The following GPC5 variants were observed in gnomAD, a reference collection of about 807,000 sequenced individuals.
The protein encoded by GPC5 is glypican 5, also known as glypican-5.
Under a neutral mutation model 53.9 loss-of-function variants are expected in GPC5, and 47 were observed. The ratio of observed to expected loss-of-function variants is 0.87; its 90% CI spans 0.69 to 1.11. GPC5 has a LOEUF of 1.11. Ranked by LOEUF, GPC5 falls within the 50% of genes most tolerant of loss-of-function variation. The pLI is 0.00. For synonymous variants in GPC5, 286 were observed against 263.3 expected, an observed-to-expected ratio of 1.09 and a Z score of -0.84; for missense variants, 748 against 713.1, an observed-to-expected ratio of 1.05 and a Z score of -0.56.
intron 4 of GPC5, among the ~76,000 whole-genome samples, chr13:91,731,965 G>A (rs184991589): frequency 1.3e-5 from 2 of 152,236 alleles, no homozygotes; most frequent in Non-Finnish European, 2.9e-5. Flanking sequence ...CCATGTATTT[G>A]CTATTGTAAA....
intron 5 of GPC5, among the ~76,000 whole-genome samples, chr13:91,839,179 C>G (rs1252339607): frequency 6.6e-6 from 1 of 152,104 alleles, no homozygotes; most frequent in Non-Finnish European, 1.5e-5. Flanking sequence ...TTAATGAACA[C>G]TTGTTTATTT....
At chr13:91,571,799 A>G (rs371564932) in intron 2 of GPC5, among the ~76,000 whole-genome samples, 4,093 of 74,178 alleles carry the variant, frequency 0.055, 279 homozygotes, top group South Asian at 0.18. Context: ...GTGTGTGTAT[A>G]TATACACACA....
intron 1 of GPC5, among the ~76,000 whole-genome samples, chr13:91,438,070 T>G (rs1466301535): frequency 6.6e-6 from 1 of 152,166 alleles, no homozygotes; most frequent in Non-Finnish European, 1.5e-5. Context: ...TTCGTCTAAT[T>G]TTTTTTCAAG....
chr13:91,861,503 CA>C (rs1434919026), intron 5 of GPC5, among the ~76,000 whole-genome samples: 3 of 151,908 alleles, frequency 2.0e-5, no homozygotes, highest in African/African-American at 7.2e-5. Flanking sequence ...TTCCAGTTTA[CA>C]TTGTATTTTG....
intron 4 of GPC5, among the ~76,000 whole-genome samples, chr13:91,739,387 C>G (rs1484667085): frequency 6.6e-6 from 1 of 151,448 alleles, no homozygotes. Context: ...TATTTCTTAT[C>G]TATTGCAATC....
chr13:92,839,024 C>T (rs560811733), intron 7 of GPC5, among the ~76,000 whole-genome samples: 36 of 152,270 alleles, frequency 2.4e-4, no homozygotes, highest in Non-Finnish European at 4.9e-4. Flanking sequence ...AAAATATTTG[C>T]GGAGTAGGAG....
chr13:91,614,318 A>G (rs2033637984), intron 2 of GPC5, among the ~76,000 whole-genome samples: 1 of 152,126 alleles, frequency 6.6e-6, no homozygotes, highest in East Asian at 1.9e-4. Context: ...GTCTGGTATG[A>G]GAATTTCCAA....
intron 7 of GPC5, among the ~76,000 whole-genome samples, chr13:92,488,128 T>C (rs1284536861): frequency 1.3e-5 from 2 of 152,026 alleles, no homozygotes; most frequent in East Asian, 1.9e-4. Flanking sequence ...AGTGTGTGTG[T>C]GCGCGTGTGT....
At chr13:91,930,192 T>C (rs1304568981) in intron 6 of GPC5, among the ~76,000 whole-genome samples, 2 of 152,054 alleles carry the variant, frequency 1.3e-5, no homozygotes, top group Non-Finnish European at 2.9e-5. Flanking sequence ...GGGCATTGTT[T>C]TGTTTTGTTT....
chr13:92,708,843 T>C (rs1464053329), intron 7 of GPC5, among the ~76,000 whole-genome samples: 1 of 143,038 alleles, frequency 7.0e-6, no homozygotes, highest in Non-Finnish European at 1.5e-5. Flanking sequence ...TAGCAGCATC[T>C]AGCTGGAAAC....
intron 7 of GPC5, among the ~76,000 whole-genome samples, chr13:92,715,248 T>G (rs1888290070): frequency 6.6e-6 from 1 of 152,044 alleles, no homozygotes; most frequent in Non-Finnish European, 1.5e-5. Context: ...TCTATGAGAG[T>G]GTGTGCATGT....
At chr13:92,656,515 C>A (rs1886142871) in intron 7 of GPC5, among the ~76,000 whole-genome samples, 1 of 152,126 alleles carries the variant, frequency 6.6e-6, no homozygotes, top group African/African-American at 2.4e-5. Context: ...AATAGAGAGG[C>A]AGGAACCAAT....
chr13:91,551,559 G>A (rs16946160), intron 2 of GPC5, among the ~76,000 whole-genome samples: 19,566 of 151,966 alleles, frequency 0.13, 1,566 homozygotes, highest in African/African-American at 0.22. Flanking sequence ...TAATTGAGTC[G>A]AAAATATGTT....
chr13:92,128,673 A>G (rs2041719401), intron 6 of GPC5, among the ~76,000 whole-genome samples: 1 of 152,246 alleles, frequency 6.6e-6, no homozygotes, highest in Non-Finnish European at 1.5e-5. Flanking sequence ...TTAATTTAAG[A>G]AGTAATCCTG....
In GPC5 at chr13:91,681,163, G is replaced by A. The variant is rs376114041; in HGVS notation, c.326-12024G>A. Among the ~76,000 whole-genome samples the A allele has an allele frequency of 1.1e-3, 173 of 152,148 alleles. 4 individuals carry two copies. In the South Asian group the frequency reaches 0.034, roughly 30 times the overall value. ...TACATATGTAAATGTGAGAGCAATC[G>A]GCTTGGAGTTTTATTTGCCATTGTA... On this transcript the variant is annotated intron_variant, in intron 2 of 7. Transcript: ENST00000377067.
At chr13:92,861,778 C>CTG (rs1338744944) in intron 7 of GPC5, among the ~76,000 whole-genome samples, 1 of 152,076 alleles carries the variant, frequency 6.6e-6, no homozygotes, top group African/African-American at 2.4e-5. Context: ...CTTTACTCAA[C>CTG]TGTATATAAA....
chr13:92,382,035 A>G (rs2043752924), intron 7 of GPC5, among the ~76,000 whole-genome samples: 1 of 150,962 alleles, frequency 6.6e-6, no homozygotes, highest in South Asian at 2.1e-4. Flanking sequence ...CTATGCAGCC[A>G]TAAGAAGGAA....
At chr13:92,497,006 C>A (rs1205562357) in intron 7 of GPC5, among the ~76,000 whole-genome samples, 1 of 152,096 alleles carries the variant, frequency 6.6e-6, no homozygotes, top group Non-Finnish European at 1.5e-5. Context: ...GGATATTAGA[C>A]CTTTATCAGA....
chr13:92,366,562 T>C (rs1476893440), intron 7 of GPC5, among the ~76,000 whole-genome samples: 5 of 152,014 alleles, frequency 3.3e-5, no homozygotes, highest in Admixed American at 3.3e-4. Flanking sequence ...TGTTAAAACA[T>C]CTTTTAAGGG....
Sources: gnomAD v4.1 joint callset for allele counts (sites outside exome capture counted in the v4.1 genomes callset) on GRCh38, gnomAD v4.1.1 for gene constraint, MANE v1.5 for transcripts, NCBI Gene and HGNC (gene_info 2026-07-23, HGNC 2026-07-21) for gene names.